Variants in PIAS1 observed in about 807,000 individuals in gnomAD.
PIAS1 encodes protein inhibitor of activated STAT 1, also known as E3 SUMO-protein ligase PIAS1.
In PIAS1, 6 loss-of-function variants were observed where a neutral mutation model predicts 71.3. The ratio of observed to expected loss-of-function variants is 0.08; its 90% CI spans 0.05 to 0.17. The LOEUF (loss-of-function observed/expected upper bound fraction) is 0.17. Among genes scored for constraint, PIAS1 ranks in the 10% least tolerant of loss-of-function variants. The pLI is 1.00. For missense variants in PIAS1, 555 were observed against 793.6 expected, an observed-to-expected ratio of 0.70 and a Z score of 3.61; for synonymous variants, 303 against 292.9, an observed-to-expected ratio of 1.03 and a Z score of -0.35.
At chr15:68,151,609 CAGG>C (rs2092844170) in intron 6 of PIAS1, among the ~76,000 whole-genome samples, 1 of 151,472 alleles carries the variant, frequency 6.6e-6, no homozygotes, top group Non-Finnish European at 1.5e-5. Flanking sequence ...CACTTGAGGT[CAGG>C]AGTTCAAGAC....
chr15:68,100,909 T>A (rs902165959), intron 2 of PIAS1, among the ~76,000 whole-genome samples: 6 of 151,840 alleles, frequency 4.0e-5, no homozygotes, highest in African/African-American at 1.2e-4. Context: ...TGTTTTTTTT[T>A]TTTTGAGATA....
intron 6 of PIAS1, among the ~76,000 whole-genome samples, chr15:68,149,471 G>T (rs879619491): frequency 6.6e-6 from 1 of 151,798 alleles, no homozygotes; most frequent in Non-Finnish European, 1.5e-5. Flanking sequence ...GATTAAGTTA[G>T]GGAGAATTTA....
At chr15:68,094,392 A>G (rs1026520574) in intron 2 of PIAS1, among the ~76,000 whole-genome samples, 1 of 151,844 alleles carries the variant, frequency 6.6e-6, no homozygotes, top group African/African-American at 2.4e-5. Flanking sequence ...ATATATTTAT[A>G]TAAACTTGGG....
intron 2 of PIAS1, among the ~76,000 whole-genome samples, chr15:68,125,419 AT>A (rs2092643614): frequency 6.6e-6 from 1 of 151,946 alleles, no homozygotes; most frequent in Non-Finnish European, 1.5e-5. Flanking sequence ...TTAATCTTGT[AT>A]TTCATAGGCC....
At position 68,077,908 on chromosome 15, in the gene PIAS1, A is replaced by T. The variant is rs28370361; in HGVS notation, c.25-8398A>T. ...GGACCCAGACTGAAGGCTGTAATTT[A>T]GACTCTTTAGTTTAGAAGATGCATT... On this transcript the variant is annotated intron_variant, in intron 1 of 13. Transcript: ENST00000249636. Among the ~76,000 whole-genome samples, 901 of 152,280 alleles carry T rather than the reference A, an allele frequency of 5.9e-3. 6 individuals carry two copies. The highest frequency in any genetic ancestry group is 0.021 in the African/African-American group (860 of 41,550).
chr15:68,104,199 T>A (rs1180360057), intron 2 of PIAS1, among the ~76,000 whole-genome samples: 1 of 152,208 alleles, frequency 6.6e-6, no homozygotes, highest in South Asian at 2.1e-4. Context: ...CCTGGCTTTT[T>A]AAAAACTCAG....
chr15:68,176,451 G>T (rs201350808), intron 10 of PIAS1, 23 bp from the exon 11 acceptor site: 297 of 1,511,928 alleles, frequency 2.0e-4, no homozygotes, highest in Non-Finnish European at 2.5e-4. Context: ...CCCTTGCCTT[G>T]TATTTTAATC....
rs1435757192 is a variant in PIAS1, at chr15:68,193,741, C to G, written c.*5906C>G. The G allele has an allele frequency of 1.1e-5, 4 of 357,914 alleles. No homozygotes were observed. The highest frequency in any genetic ancestry group is 2.1e-5 in the Non-Finnish European group (4 of 194,220). 22.2% of individuals were successfully genotyped at this position (357,914 alleles called of 1,614,324 possible). A position where few individuals can be genotyped will look rare whatever the true frequency, so the allele number is the denominator to read the frequency against. ...GGAAGCAGCAGAGCCAGGACTGGAACCCAGGCCAGACTCCAAACCGCAGGC... is the reference window on the plus strand; with the variant it reads ...GGAAGCAGCAGAGCCAGGACTGGAAGCCAGGCCAGACTCCAAACCGCAGGC... On this transcript the variant is annotated 3_prime_UTR_variant, in exon 14 of 14. Coordinates refer to ENST00000249636, the MANE Select transcript of PIAS1 (RefSeq NM_016166.3).
In PIAS1 at chr15:68,171,183, C is replaced by T. The variant is rs1219401301; in HGVS notation, c.1009-2549C>T. On this transcript the variant is annotated intron_variant, in intron 8 of 13. Coordinates refer to ENST00000249636, the MANE Select transcript of PIAS1 (RefSeq NM_016166.3). This position sits in a 1 kb window ranked among gnomAD's most constrained non-coding sequence, Gnocchi z 4.4. ...CATTAGCCTAGGCCTGCACAGGGTC[C>T]GGATCATCAGTATCACTACTTTCCA... Among the ~76,000 whole-genome samples, 1 of 151,896 alleles carries T rather than the reference C, an allele frequency of 6.6e-6. No individual in the cohort carries two copies. Among genetic ancestry groups the T allele is most frequent in the African/African-American group, 2.4e-5 (1 of 41,344 alleles).
At chr15:68,059,669 G>A (rs764758457) in intron 1 of PIAS1, among the ~76,000 whole-genome samples, 5 of 148,858 alleles carry the variant, frequency 3.4e-5, no homozygotes, top group Non-Finnish European at 5.9e-5. Context: ...TTGCGCCACC[G>A]GACTCCAGCC....
chr15:68,180,832 T>C (rs1281119129), intron 11 of PIAS1, among the ~76,000 whole-genome samples: 1 of 152,226 alleles, frequency 6.6e-6, no homozygotes, highest in East Asian at 1.9e-4. Context: ...GCCAATACTC[T>C]GGTGTTGTTT....
chr15:68,130,166 A>G (rs1331737584), intron 2 of PIAS1, among the ~76,000 whole-genome samples: 2 of 152,078 alleles, frequency 1.3e-5, no homozygotes, highest in Non-Finnish European at 2.9e-5. Flanking sequence ...ACCCACAAAA[A>G]TTAAAAATAA....
At chr15:68,139,333 T>A (rs1270998542) in intron 2 of PIAS1, among the ~76,000 whole-genome samples, 1 of 152,146 alleles carries the variant, frequency 6.6e-6, no homozygotes, top group Non-Finnish European at 1.5e-5. Context: ...ATCTCACACA[T>A]GTCTAAAAGG....
intron 1 of PIAS1, chr15:68,055,986 C>G: frequency 1.5e-6 from 1 of 687,882 alleles, no homozygotes; most frequent in South Asian, 1.5e-5. Context: ...AGCAGATTTA[C>G]AATGGATGGT....
At chr15:68,055,504 G>T (rs982341226) in intron 1 of PIAS1, among the ~76,000 whole-genome samples, 1 of 152,018 alleles carries the variant, frequency 6.6e-6, no homozygotes, top group African/African-American at 2.4e-5. Flanking sequence ...GGAGGGGGTG[G>T]TGGAACCCTT....
At chr15:68,127,158 T>C (rs2092656778) in intron 2 of PIAS1, among the ~76,000 whole-genome samples, 1 of 151,092 alleles carries the variant, frequency 6.6e-6, no homozygotes, top group Admixed American at 6.6e-5. Flanking sequence ...ACTCTTGACC[T>C]TGTGATCTGC....
intron 2 of PIAS1, among the ~76,000 whole-genome samples, chr15:68,109,410 C>T (rs2092502350): frequency 6.6e-6 from 1 of 152,126 alleles, no homozygotes; most frequent in Non-Finnish European, 1.5e-5. Context: ...TGGTTTGGGT[C>T]TCTTGTTTAT....
chr15:68,054,842 C>T lies in PIAS1; in HGVS notation c.24+492C>T, dbSNP rs111332546. 1 of 152,632 alleles carries T rather than the reference C, an allele frequency of 6.6e-6. No homozygotes were observed. Among genetic ancestry groups the T allele is most frequent in the Non-Finnish European group, 1.5e-5 (1 of 68,328 alleles). The allele number at this position is 152,632 out of a possible 1,614,324, so 9.5% of individuals were successfully genotyped here. A position where few individuals can be genotyped will look rare whatever the true frequency, so the allele number is the denominator to read the frequency against. On this transcript the variant is annotated intron_variant, in intron 1 of 13. Transcript: ENST00000249636. This position sits in a 1 kb window ranked among gnomAD's most constrained non-coding sequence, Gnocchi z 4.6. ...GGAACTTGGCTTCGGCCGCCCCGCCCCTCCGTGGATCCCAGTAGCCCCCGC... is the reference window on the plus strand; with the variant it reads ...GGAACTTGGCTTCGGCCGCCCCGCCTCTCCGTGGATCCCAGTAGCCCCCGC...
rs146976528 is a variant in PIAS1, at chr15:68,128,406, C to T, written c.470-13540C>T. 2.8e-3 allele frequency among the ~76,000 whole-genome samples: 423 copies of T among 152,274 alleles called. 1 individual carries two copies. Among genetic ancestry groups the T allele is most frequent in the Non-Finnish European group, 4.5e-3 (307 of 68,016 alleles). On this transcript the variant is annotated intron_variant, in intron 2 of 13. Coordinates refer to ENST00000249636, the MANE Select transcript of PIAS1 (RefSeq NM_016166.3). ...TAAATGATCCACCTGCCTCGGCCTC[C>T]CAAAGTGCTGGGATTACAGGTGTGA... is the stretch of plus-strand genomic sequence containing the variant.
Sources: gnomAD v4.1 joint callset for allele counts (sites outside exome capture counted in the v4.1 genomes callset) on GRCh38, gnomAD v4.1.1 for gene constraint, Gnocchi (gnomAD v3.1) non-coding constraint, MANE v1.5 for transcripts, NCBI Gene and HGNC (gene_info 2026-07-23, HGNC 2026-07-21) for gene names.